Variants in MROH2B observed in about 807,000 individuals in gnomAD.
MROH2B encodes maestro heat-like repeat-containing protein family member 2B.
Under a neutral mutation model 208.6 loss-of-function variants are expected in MROH2B, and 177 were observed. That is an observed-to-expected ratio of 0.85 (90% CI 0.75 to 0.96). MROH2B has a LOEUF of 0.96. MROH2B is among the 40% of genes least tolerant of loss of function. The probability of loss-of-function intolerance (pLI) is 0.00; values close to 1 mark genes in which losing one functional copy is unlikely to be tolerated. For synonymous variants in MROH2B, 728 were observed against 659.0 expected (o/e 1.10, Z -1.60); for missense variants, 2,002 against 1,878.7 (o/e 1.07, Z -1.21).
intron 24 of MROH2B, among the ~76,000 whole-genome samples, chr5:41,023,659 T>C (rs1742242014): frequency 6.6e-6 from 1 of 152,126 alleles, no homozygotes; most frequent in Non-Finnish European, 1.5e-5. Flanking sequence ...CAGGCCAACA[T>C]TCAAATTCAG....
At chr5:41,054,667 TC>T in intron 11 of MROH2B, 99 bp downstream of exon 11, 1 of 848,508 alleles carries the variant, frequency 1.2e-6, no homozygotes, top group South Asian at 2.6e-5. Flanking sequence ...ACCACAGAGT[TC>T]TTTATAAAAT....
At chr5:41,043,707 A>T (rs1182253388) in intron 18 of MROH2B, among the ~76,000 whole-genome samples, 2 of 152,124 alleles carry the variant, frequency 1.3e-5, no homozygotes, top group Admixed American at 1.3e-4. Flanking sequence ...TCTCCTTACT[A>T]TGGGGTGTTG....
chr5:41,060,986 G>A (rs550903516), intron 6 of MROH2B, among the ~76,000 whole-genome samples: 1 of 152,142 alleles, frequency 6.6e-6, no homozygotes, highest in Non-Finnish European at 1.5e-5. Flanking sequence ...AAAAACTATA[G>A]CAATTAAGCA....
chr5:41,064,461 G>C lies in MROH2B; in HGVS notation c.460+11C>G, dbSNP rs1241800077. The C allele has an allele frequency of 1.2e-6, 2 of 1,609,272 alleles. No individual in the cohort carries two copies. The highest frequency in any genetic ancestry group is 1.7e-6 in the Non-Finnish European group (2 of 1,176,634). ...GTTTTTAAGCAAAAAGGAAATCATC[G>C]GGATACCCACCAATACAGAAAGTCC... On this transcript the variant is annotated intron_variant, in intron 5 of 41. Transcript: ENST00000399564.
chr5:41,006,654 C>A (rs1415711086), intron 34 of MROH2B, among the ~76,000 whole-genome samples: 1 of 152,248 alleles, frequency 6.6e-6, no homozygotes, highest in East Asian at 1.9e-4. Flanking sequence ...ACTACTCAGC[C>A]ATAAAAAGGA....
At chr5:41,043,991 G>T (rs2150172717) in intron 18 of MROH2B, among the ~76,000 whole-genome samples, 1 of 151,642 alleles carries the variant, frequency 6.6e-6, no homozygotes, top group Middle Eastern at 3.4e-3. Context: ...TGTAATCCTA[G>T]CACTTTGGCA....
chr5:41,048,484 G>A lies in MROH2B; in HGVS notation c.1543-19C>T, dbSNP rs2150175078. The A allele has an allele frequency of 1.9e-6, 3 of 1,581,100 alleles. No homozygotes were observed. Among genetic ancestry groups the A allele is most frequent in the East Asian group, 4.5e-5 (2 of 44,326 alleles). On this transcript the variant is annotated intron_variant, in intron 15 of 41. Transcript: ENST00000399564. ...ATATTACCTGAAGGATAGAAGAGAA[G>A]GAGCTCATCAATTTCAGGGGCGTTT...
At chr5:41,067,331 G>A in intron 2 of MROH2B, 113 bp from the exon 3 acceptor site, 1 of 619,558 alleles carries the variant, frequency 1.6e-6, no homozygotes, top group African/African-American at 1.9e-5. Flanking sequence ...ACTACACAAT[G>A]GATTTCATAT....
intron 16 of MROH2B, 29 bp from the exon 17 acceptor site, chr5:41,047,793 CA>C: frequency 3.9e-6 from 6 of 1,553,866 alleles, no homozygotes; most frequent in Non-Finnish European, 5.2e-6. Context: ...GTAATAATCG[CA>C]AAAAAACAAA....
chr5:41,008,738 T>C lies in MROH2B; in HGVS notation c.3476A>G (p.Tyr1159Cys). Residue 1159 changes from tyrosine (Y) to cysteine (C), a missense_variant, in exon 33 of 42, where the codon TAT becomes TGT. Physicochemically the swap from Tyr to Cys is radical, Grantham distance 194 (BLOSUM62 -2). Coordinates refer to ENST00000399564, the MANE Select transcript of MROH2B (RefSeq NM_173489.5). ...CAGGAGGAGAGTGAACAGCTCTGGA[T>C]ACAAGCCGGTGACAGAGGTGCCCAT... ...ISMGTSVTGL[Y>C]PELFTLLLKL... The C allele has an allele frequency of 2.5e-6, 4 of 1,613,694 alleles. No homozygotes were observed. Among genetic ancestry groups the C allele is most frequent in the South Asian group, 1.1e-5 (1 of 91,052 alleles).
intron 34 of MROH2B, among the ~76,000 whole-genome samples, chr5:41,005,846 C>T (rs1741570693): frequency 6.6e-6 from 1 of 152,022 alleles, no homozygotes; most frequent in African/African-American, 2.4e-5. Flanking sequence ...GCCTGGGCAA[C>T]ATGGTGAAAC....
chr5:41,038,361 A>G (rs1742828899), intron 21 of MROH2B, among the ~76,000 whole-genome samples: 1 of 152,198 alleles, frequency 6.6e-6, no homozygotes, highest in Non-Finnish European at 1.5e-5. Context: ...CAATCACTGC[A>G]TCACAGCAGT....
intron 30 of MROH2B, among the ~76,000 whole-genome samples, chr5:41,011,105 T>C (rs1399546303): frequency 6.6e-6 from 1 of 152,130 alleles, no homozygotes; most frequent in Non-Finnish European, 1.5e-5. Context: ...CTTTAGGAAT[T>C]TGGATGTTAA....
At chr5:41,062,142 T>A (rs1461736436) in intron 5 of MROH2B, among the ~76,000 whole-genome samples, 1 of 152,156 alleles carries the variant, frequency 6.6e-6, no homozygotes, top group Non-Finnish European at 1.5e-5. Flanking sequence ...GCACTAAAAG[T>A]TTGTACAAGA....
intron 30 of MROH2B, 62 bp downstream of exon 30, chr5:41,012,521 T>A: frequency 6.5e-7 from 1 of 1,545,240 alleles, no homozygotes; most frequent in South Asian, 1.2e-5. Flanking sequence ...AGAAAGTGGC[T>A]GACTTGGCAT....
chr5:41,059,587 G>A (rs1201442350), intron 6 of MROH2B, among the ~76,000 whole-genome samples: 1 of 152,120 alleles, frequency 6.6e-6, no homozygotes, highest in Non-Finnish European at 1.5e-5. Flanking sequence ...TATTAGCTGG[G>A]TGGTTCTTCC....
intron 19 of MROH2B, among the ~76,000 whole-genome samples, chr5:41,040,457 C>T (rs766085155): frequency 2.0e-5 from 3 of 152,102 alleles, no homozygotes; most frequent in Admixed American, 6.5e-5. Flanking sequence ...TAGTATGAAG[C>T]TAGAATCAGA....
At position 41,049,425 on chromosome 5, in the gene MROH2B, T is replaced by C. The variant is rs562221474; in HGVS notation, c.1356A>G (p.Pro452=). ...LVIGMPQVLW[P]RILTFVVPAE... ...CAGGTACCACAAAAGTCAGGATCCTTGGCCATAGCACCTGTGGAAAACAGG... is the reference window on the plus strand; with the variant it reads ...CAGGTACCACAAAAGTCAGGATCCTCGGCCATAGCACCTGTGGAAAACAGG... Residue 452 remains proline, a synonymous_variant, in exon 14 of 42, where the codon CCA becomes CCG. Coordinates refer to ENST00000399564, the MANE Select transcript of MROH2B (RefSeq NM_173489.5). The C allele has an allele frequency of 6.2e-7, 1 of 1,612,122 alleles. No individual in the cohort carries two copies. Among genetic ancestry groups the C allele is most frequent in the Admixed American group, 1.7e-5 (1 of 59,624 alleles).
At chr5:41,026,274 T>C (rs2094325746) in intron 24 of MROH2B, among the ~76,000 whole-genome samples, 1 of 152,208 alleles carries the variant, frequency 6.6e-6, no homozygotes, top group African/African-American at 2.4e-5. Context: ...CATGATTGTA[T>C]ATCTAGAAAA....
Sources: allele counts gnomAD v4.1 joint callset (sites outside exome capture counted in the v4.1 genomes callset), GRCh38; gene constraint gnomAD v4.1.1; transcripts MANE v1.5; gene names NCBI Gene and HGNC (gene_info 2026-07-23, HGNC 2026-07-21).